PLSCR2: variants seen among roughly 807,000 people sequenced by gnomAD.
The protein encoded by PLSCR2 is phospholipid scramblase 2, also known as PL scramblase 2.
Under a neutral mutation model 25.3 loss-of-function variants are expected in PLSCR2, and 18 were observed. The ratio of observed to expected loss-of-function variants is 0.71; its 90% CI spans 0.49 to 1.06. The LOEUF (loss-of-function observed/expected upper bound fraction) is 1.06, where lower values mean the gene tolerates loss of function less well. PLSCR2 is among the 50% of genes least tolerant of loss of function. The probability of loss-of-function intolerance (pLI) is 0.00; values close to 1 mark genes in which losing one functional copy is unlikely to be tolerated. For missense variants in PLSCR2, 243 were observed against 269.5 expected, an observed-to-expected ratio of 0.90 and a Z score of 0.69; for synonymous variants, 88 against 87.3, an observed-to-expected ratio of 1.01 and a Z score of -0.04.
intron 1 of PLSCR2, among the ~76,000 whole-genome samples, chr3:146,494,355 A>G (rs1006778508): frequency 2.0e-4 from 30 of 152,184 alleles, no homozygotes; most frequent in African/African-American, 6.8e-4. Flanking sequence ...TAATTTAAAA[A>G]TCCCAGATAT....
chr3:146,395,111 A>G (rs893561740), intron 3 of PLSCR2, among the ~76,000 whole-genome samples: 5 of 152,210 alleles, frequency 3.3e-5, no homozygotes, highest in African/African-American at 1.2e-4. Context: ...AAAATGAACT[A>G]ATACAATGAC....
Position 146,481,125 on chromosome 3 carries a change from C to T in PLSCR2, c.-293+14770G>A, listed in dbSNP as rs887758827. Among the ~76,000 whole-genome samples, 6 of 152,178 alleles carry T rather than the reference C, an allele frequency of 3.9e-5. 1 individual carries two copies. The highest frequency in any genetic ancestry group is 2.1e-4 in the South Asian group (1 of 4,830). On this transcript the variant is annotated intron_variant, in intron 1 of 8. Coordinates refer to the PLSCR2 transcript ENST00000336685. Reference sequence around the variant, plus strand: ...TTTTGGACAAACCCACAGCCAATGTCATACTGAATGGGCAAAAACTGGGAG... The same window carrying T: ...TTTTGGACAAACCCACAGCCAATGTTATACTGAATGGGCAAAAACTGGGAG...
upstream of PLSCR2, chr3:146,461,755 A>C (rs2041587701): frequency 1.4e-6 from 1 of 698,938 alleles, no homozygotes; most frequent in South Asian, 1.5e-5. Context: ...GGTTGTCACC[A>C]AAGCAATAGG....
At chr3:146,445,582 A>T (rs892047748) in intron 6 of PLSCR2, among the ~76,000 whole-genome samples, 1 of 151,586 alleles carries the variant, frequency 6.6e-6, no homozygotes, top group Non-Finnish European at 1.5e-5. Context: ...TTTCTTTATC[A>T]TTAACATTTG....
chr3:146,484,544 G>A (rs1027275429), intron 1 of PLSCR2, among the ~76,000 whole-genome samples: 1 of 152,124 alleles, frequency 6.6e-6, no homozygotes, highest in African/African-American at 2.4e-5. Flanking sequence ...CAGAGAGAAA[G>A]GCCTGGTTTC....
At chr3:146,491,998 TG>T (rs1222129782) in intron 1 of PLSCR2, among the ~76,000 whole-genome samples, 6 of 152,192 alleles carry the variant, frequency 3.9e-5, no homozygotes, top group Non-Finnish European at 7.4e-5. Flanking sequence ...GTCCTTTGGA[TG>T]GGTCTTTGTG....
At chr3:146,457,957 C>T (rs2041316320) in intron 3 of PLSCR2, among the ~76,000 whole-genome samples, 1 of 152,094 alleles carries the variant, frequency 6.6e-6, no homozygotes, top group Admixed American at 6.5e-5. Flanking sequence ...TACTCAAGTC[C>T]CTGATATAAA....
chr3:146,480,851 C>A lies in PLSCR2; in HGVS notation c.-293+15044G>T, dbSNP rs558420948. ...AATCCTCAATAAAATACTGGCAAAC[C>A]GAATCCAGCAGCACATCAAAAAGCT... On this transcript the variant is annotated intron_variant, in intron 1 of 8. Transcript: ENST00000336685. Among the ~76,000 whole-genome samples, 9 of 151,904 alleles carry A rather than the reference C, an allele frequency of 5.9e-5. No individual in the cohort carries two copies. In the East Asian group the frequency reaches 1.4e-3, roughly 23 times the overall value.
chr3:146,423,236 T>C (rs1448460751), intron 2 of PLSCR2, among the ~76,000 whole-genome samples: 13 of 42,616 alleles, frequency 3.1e-4, no homozygotes, highest in Non-Finnish European at 4.9e-4. Context: ...TTGCAGTGCC[T>C]CTCTCTCTCT....
intron 1 of PLSCR2, among the ~76,000 whole-genome samples, chr3:146,480,738 C>G (rs2043101006): frequency 6.6e-6 from 1 of 152,118 alleles, no homozygotes; most frequent in Non-Finnish European, 1.5e-5. Context: ...TTTTATAAGG[C>G]CAGCATCATC....
At chr3:146,481,138 C>G (rs184792950) in intron 1 of PLSCR2, among the ~76,000 whole-genome samples, 6 of 152,124 alleles carry the variant, frequency 3.9e-5, no homozygotes, top group African/African-American at 7.2e-5. Context: ...ACTGAATGGG[C>G]AAAAACTGGG....
chr3:146,483,431 ATATATATATATACACATGTATG>A (rs2043203908), intron 1 of PLSCR2, among the ~76,000 whole-genome samples: 2 of 95,586 alleles, frequency 2.1e-5, no homozygotes, highest in African/African-American at 1.0e-4. Flanking sequence ...TAAACTTAAT[ATATATATATATACACATGTATG>A]TATATATATA....
At chr3:146,464,281 G>A (rs2041760964), upstream of PLSCR2, among the ~76,000 whole-genome samples, 1 of 152,066 alleles carries the variant, frequency 6.6e-6, no homozygotes, top group Admixed American at 6.5e-5. Context: ...TAATGTGGTG[G>A]GACTTTTCAG....
downstream of PLSCR2, among the ~76,000 whole-genome samples, chr3:146,430,403 G>T (rs908420890): frequency 2.0e-5 from 3 of 152,142 alleles, no homozygotes; most frequent in East Asian, 5.8e-4. Flanking sequence ...CCATTGTATG[G>T]TGGGTAATAA....
upstream of PLSCR2, among the ~76,000 whole-genome samples, chr3:146,462,600 G>C (rs551873580): frequency 5.9e-4 from 90 of 151,568 alleles, no homozygotes; most frequent in African/African-American, 2.1e-3. Context: ...CGAGTAGCTG[G>C]GATTACAGGC....
rs373432196 is a variant in PLSCR2 at position 146,475,444 on chromosome 3, A to G, written c.-292-15160T>C. Among the ~76,000 whole-genome samples, 14 of 152,152 alleles carry G rather than the reference A, an allele frequency of 9.2e-5. 1 individual carries two copies. The East Asian group carries it at 2.1e-3, about 23-fold the overall frequency. ...TCACTTCAGGCCCTATTCATCTTAC[A>G]TTCCTACTTCTTTACATGCTTCATA... On this transcript the variant is annotated intron_variant, in intron 1 of 8. Coordinates refer to the PLSCR2 transcript ENST00000336685.
At chr3:146,463,456 A>G (rs1439195571), upstream of PLSCR2, among the ~76,000 whole-genome samples, 1 of 152,108 alleles carries the variant, frequency 6.6e-6, no homozygotes, top group Non-Finnish European at 1.5e-5. Context: ...CGCCCTGCCT[A>G]TACTTGGTAT....
At chr3:146,408,035 A>G (rs538439591) in intron 2 of PLSCR2, among the ~76,000 whole-genome samples, 35 of 152,340 alleles carry the variant, frequency 2.3e-4, no homozygotes, top group Admixed American at 2.0e-3. Flanking sequence ...TGATACTGCC[A>G]GGATGCGAGC....
At chr3:146,418,228 G>T (rs994874754) in intron 2 of PLSCR2, among the ~76,000 whole-genome samples, 21 of 151,952 alleles carry the variant, frequency 1.4e-4, no homozygotes, top group African/African-American at 3.1e-4. Context: ...TTCTTTCTTG[G>T]TTCCCCTAAA....
Sources: allele counts gnomAD v4.1 joint callset (sites outside exome capture counted in the v4.1 genomes callset), GRCh38; gene constraint gnomAD v4.1.1; transcripts MANE v1.5; gene names NCBI Gene and HGNC (gene_info 2026-07-23, HGNC 2026-07-21).